Variants in MAP2K2 observed in about 807,000 individuals in gnomAD.
MAP2K2 encodes the protein dual specificity mitogen-activated protein kinase kinase 2.
MAP2K2 carries 24 observed loss-of-function variants against 43.7 expected under a neutral mutation model. The observed-to-expected ratio is 0.55, with a 90% CI of 0.40 to 0.77. The LOEUF (loss-of-function observed/expected upper bound fraction) is 0.77. Among genes scored for constraint, MAP2K2 ranks in the 30% least tolerant of loss-of-function variants. The pLI is 0.00. For synonymous variants in MAP2K2, 244 were observed against 239.7 expected, an observed-to-expected ratio of 1.02 and a Z score of -0.17; for missense variants, 470 against 566.8, an observed-to-expected ratio of 0.83 and a Z score of 1.73.
rs371852537 is a variant in MAP2K2 at position 4,117,526 on chromosome 19, C to T, written c.196G>A (p.Glu66Lys). Reference protein sequence around the residue: ...AFLTQKAKVGELKDDDFERIS... With the variant: ...AFLTQKAKVGKLKDDDFERIS... ...CTTTCGAAGTCATCGTCTTTGAGTT[C>T]GCCGACCTTGGCTTTCTGGGTGAGA... Residue 66 changes from glutamate (E) to lysine (K), a missense_variant, in exon 2 of 11, where the codon GAA (glutamate) becomes AAA (lysine). Coordinates refer to ENST00000262948, the MANE Select transcript of MAP2K2 (RefSeq NM_030662.4). 3.7e-6 allele frequency: 6 copies of T among 1,614,034 alleles called. No individual in the cohort carries two copies. The highest frequency in any genetic ancestry group is 1.1e-5 in the South Asian group (1 of 91,092).
chr19:4,090,596 T>A lies in MAP2K2; in HGVS notation c.*2A>T, dbSNP rs1057521556. The stretch of plus-strand genomic sequence containing the variant: ...AGCGGGACGCAGGGAGCCCGGCCAC[T>A]GTCACACGGCGGTGCGCGTGGGTGT... On this transcript the variant is annotated 3_prime_UTR_variant, in exon 11 of 11. Coordinates refer to ENST00000262948, the MANE Select transcript of MAP2K2 (RefSeq NM_030662.4). 1.5e-5 allele frequency: 23 copies of A among 1,550,102 alleles called. No individual in the cohort carries two copies. The highest frequency in any genetic ancestry group is 2.0e-5 in the Non-Finnish European group (23 of 1,146,686).
chr19:4,105,673 C>A (rs556721445), intron 3 of MAP2K2, among the ~76,000 whole-genome samples: 2 of 152,176 alleles, frequency 1.3e-5, no homozygotes, highest in South Asian at 2.1e-4. Context: ...TGTTCCAGAT[C>A]TTTCTTCATC....
At position 4,101,548 on chromosome 19, in the gene MAP2K2, C is replaced by T. The variant is rs112244660; in HGVS notation, c.529-268G>A. Among the ~76,000 whole-genome samples, 183 of 152,318 alleles carry T rather than the reference C, an allele frequency of 1.2e-3. No individual in the cohort carries two copies. The highest frequency in any genetic ancestry group is 4.1e-3 in the African/African-American group (172 of 41,566). On this transcript the variant is annotated intron_variant, in intron 4 of 10. Coordinates refer to ENST00000262948, the MANE Select transcript of MAP2K2 (RefSeq NM_030662.4). This position sits in a 1 kb window ranked among gnomAD's most constrained non-coding sequence, Gnocchi z 6.3. ...ACTACTGCCTTTGATTCAGAGCACA[C>T]GGCTTAGCCCCAGGGAAGCTGAGAT...
rs561170317 is a variant in MAP2K2 at position 4,114,911 on chromosome 19, C to A, written c.303+2508G>T. On this transcript the variant is annotated intron_variant, in intron 2 of 10. Transcript: ENST00000262948. Reference sequence around the variant, plus strand: ...TGCCACTGCACTCCAGTCTGGGTGACAGAGCGAGACTCTGTCTCAAAAAAA... The same window carrying A: ...TGCCACTGCACTCCAGTCTGGGTGAAAGAGCGAGACTCTGTCTCAAAAAAA... Among the ~76,000 whole-genome samples the A allele has an allele frequency of 2.4e-3, 368 of 152,102 alleles. 4 individuals are homozygous for A. Among genetic ancestry groups the A allele is most frequent in the African/African-American group, 8.5e-3 (353 of 41,480 alleles).
intron 7 of MAP2K2, among the ~76,000 whole-genome samples, chr19:4,097,627 C>T (rs372951183): frequency 6.6e-6 from 1 of 152,142 alleles, no homozygotes; most frequent in East Asian, 1.9e-4. Context: ...TGAGGCTTGC[C>T]GGACGTGCCA....
intron 1 of MAP2K2, among the ~76,000 whole-genome samples, chr19:4,121,955 T>C (rs1174263778): frequency 8.0e-6 from 1 of 125,036 alleles, no homozygotes; most frequent in East Asian, 2.5e-4. Flanking sequence ...CCCTTTTCCC[T>C]GGTTGTCTAT....
intron 8 of MAP2K2, among the ~76,000 whole-genome samples, chr19:4,096,150 T>C (rs978824384): frequency 1.3e-5 from 2 of 152,064 alleles, no homozygotes; most frequent in African/African-American, 4.8e-5. Context: ...GGAGTGGCCG[T>C]GTAAGCGGTG....
chr19:4,119,579 C>T (rs1026592364), intron 1 of MAP2K2, among the ~76,000 whole-genome samples: 3 of 152,206 alleles, frequency 2.0e-5, no homozygotes, highest in Non-Finnish European at 4.4e-5. Flanking sequence ...TCATTTTCAA[C>T]GTACAACCAG....
chr19:4,099,313 C>CGG lies in MAP2K2; in HGVS notation c.805_806dup (p.Pro270ArgfsTer58). On this transcript the variant is annotated frameshift_variant, in exon 7 of 11. Transcript: ENST00000262948. LOFTEE classifies it high-confidence loss of function. ...TGGCCTCCAGCTCTTTGGCGTCGGG[C>CGG]GGGGGGATGGGGTACCTTCCGACGG... The CGG allele has an allele frequency of 6.2e-7, 1 of 1,607,482 alleles. No individual in the cohort carries two copies. The highest frequency in any genetic ancestry group is 8.5e-7 in the Non-Finnish European group (1 of 1,177,308).
At position 4,101,960 on chromosome 19, in the gene MAP2K2, G is replaced by C. The variant is rs2041017887; in HGVS notation, c.528+416C>G. On this transcript the variant is annotated intron_variant, in intron 4 of 10. Coordinates refer to ENST00000262948, the MANE Select transcript of MAP2K2 (RefSeq NM_030662.4). The surrounding 1 kb of genome is among the most constrained non-coding windows in gnomAD (Gnocchi z 6.3). The stretch of plus-strand genomic sequence containing the variant: ...GCTGTGCTGGAGACCGGGCAGCAGA[G>C]ACGCCCTTGGCCCCGGTGACATTTC... Among the ~76,000 whole-genome samples the C allele has an allele frequency of 6.6e-6, 1 of 152,150 alleles. No homozygotes were observed. The highest frequency in any genetic ancestry group is 2.1e-4 in the South Asian group (1 of 4,832).
At chr19:4,104,426 G>A (rs750545909) in intron 3 of MAP2K2, among the ~76,000 whole-genome samples, 1 of 151,966 alleles carries the variant, frequency 6.6e-6, no homozygotes, top group African/African-American at 2.4e-5. Flanking sequence ...GGTGGTGCAC[G>A]CCTGTAGTCC....
At chr19:4,117,152 C>T (rs1040435225) in intron 2 of MAP2K2, among the ~76,000 whole-genome samples, 5 of 152,204 alleles carry the variant, frequency 3.3e-5, no homozygotes, top group African/African-American at 1.2e-4. Flanking sequence ...CACGTGCTAG[C>T]TTTCTGGGAA....
intron 9 of MAP2K2, 192 bp from the exon 10 acceptor site, chr19:4,094,690 T>G: frequency 3.3e-6 from 2 of 611,202 alleles, no homozygotes; most frequent in Non-Finnish European, 5.9e-6. Context: ...CCTCTGCACT[T>G]TGGTGCCAGG....
intron 10 of MAP2K2, among the ~76,000 whole-genome samples, chr19:4,093,459 G>A (rs1005688800): frequency 2.0e-5 from 3 of 152,110 alleles, no homozygotes; most frequent in Non-Finnish European, 2.9e-5. Context: ...GGGAGGCTGA[G>A]GCAGGTGGAT....
At chr19:4,103,353 AC>A in intron 3 of MAP2K2, 1 of 759,762 alleles carries the variant, frequency 1.3e-6, no homozygotes, top group Non-Finnish European at 1.6e-6. Context: ...AAATGCCAAA[AC>A]CCCAGGCACT....
intron 3 of MAP2K2, among the ~76,000 whole-genome samples, chr19:4,110,256 A>G (rs2041136987): frequency 6.6e-6 from 1 of 152,170 alleles, no homozygotes; most frequent in Non-Finnish European, 1.5e-5. Context: ...GTGAGCCGAG[A>G]TTGTGCCACT....
chr19:4,108,279 G>C (rs350902), intron 3 of MAP2K2, among the ~76,000 whole-genome samples: 139,046 of 152,150 alleles, frequency 0.91, 64,827 homozygotes, highest in Non-Finnish European at 1. Context: ...CTCGCTCTGT[G>C]GCCCAGGCTG....
chr19:4,094,927 CG>C, intron 9 of MAP2K2: 1 of 361,090 alleles, frequency 2.8e-6, no homozygotes, highest in South Asian at 3.8e-5. Context: ...CTGTGGGCAG[CG>C]GGGTGTCCGC....
chr19:4,096,839 C>T lies in MAP2K2; in HGVS notation c.984+440G>A, dbSNP rs561342885. Among the ~76,000 whole-genome samples, 7 of 152,110 alleles carry T rather than the reference C, an allele frequency of 4.6e-5. No individual in the cohort carries two copies. The East Asian group carries it at 1.2e-3, about 25-fold the overall frequency. On this transcript the variant is annotated intron_variant, in intron 8 of 10. Coordinates refer to ENST00000262948, the MANE Select transcript of MAP2K2 (RefSeq NM_030662.4). ...CCTCTGGACTCAGGGTGAGAGGCTGCGGTGGGAATTCTGGGTTCGTCTTCA... is the reference window on the plus strand; with the variant it reads ...CCTCTGGACTCAGGGTGAGAGGCTGTGGTGGGAATTCTGGGTTCGTCTTCA...
Sources: gnomAD v4.1 joint callset for allele counts (sites outside exome capture counted in the v4.1 genomes callset) on GRCh38, gnomAD v4.1.1 for gene constraint, Gnocchi (gnomAD v3.1) non-coding constraint, MANE v1.5 for transcripts, NCBI Gene and HGNC (gene_info 2026-07-23, HGNC 2026-07-21) for gene names.